MEGF11: variants seen among roughly 807,000 people sequenced by gnomAD.
MEGF11 encodes the protein multiple EGF like domains 11.
MEGF11 carries 126 observed loss-of-function variants against 146.6 expected under a neutral mutation model. The observed-to-expected ratio is 0.86, with a 90% CI of 0.74 to 1.00. MEGF11 has a LOEUF of 1.00. Among genes scored for constraint, MEGF11 ranks in the 50% least tolerant of loss-of-function variants. The pLI is 0.00. For missense variants in MEGF11, 1,509 were observed against 1,521.2 expected (o/e 0.99, Z 0.13); for synonymous variants, 532 against 583.4 (o/e 0.91, Z 1.27).
chr15:66,051,844 C>T lies in MEGF11; in HGVS notation c.394+42558G>A, dbSNP rs973720106. ...GTGCTCATTTAGACTCCAGAGAAAGCGAGTGCTGTGCAGTTTCGTGGAACT... is the reference window on the plus strand; with the variant it reads ...GTGCTCATTTAGACTCCAGAGAAAGTGAGTGCTGTGCAGTTTCGTGGAACT... On this transcript the variant is annotated intron_variant, in intron 5 of 25. Coordinates refer to ENST00000395614, the MANE Select transcript of MEGF11 (RefSeq NM_001385028.1). 3.3e-5 allele frequency among the ~76,000 whole-genome samples: 5 copies of T among 152,180 alleles called. No homozygotes were observed. In the East Asian group the frequency reaches 7.7e-4, roughly 23 times the overall value.
intron 1 of MEGF11, among the ~76,000 whole-genome samples, chr15:66,134,072 T>C (rs2088778175): frequency 6.6e-6 from 1 of 152,102 alleles, no homozygotes; most frequent in Non-Finnish European, 1.5e-5. Context: ...GCAGCCACCA[T>C]TAATCAGGGT....
intron 5 of MEGF11, among the ~76,000 whole-genome samples, chr15:66,007,949 G>A (rs2082570388): frequency 6.6e-6 from 1 of 152,188 alleles, no homozygotes; most frequent in South Asian, 2.1e-4. Context: ...ACAGTCCCTG[G>A]CTGCATGGAG....
rs1373505221 is a variant in MEGF11 at position 65,982,904 on chromosome 15, C to T, written c.395-416G>A. Among the ~76,000 whole-genome samples the T allele has an allele frequency of 1.3e-5, 2 of 149,958 alleles. No homozygotes were observed. The highest frequency in any genetic ancestry group is 3.0e-5 in the Non-Finnish European group (2 of 67,106). ...CCCTTTCTTTTCCCATCTGCCACCC[C>T]TCTCCTCTGTGACCCTACCCCTCTC... On this transcript the variant is annotated intron_variant, in intron 5 of 25. Coordinates refer to ENST00000395614, the MANE Select transcript of MEGF11 (RefSeq NM_001385028.1). This position sits in a 1 kb window ranked among gnomAD's most constrained non-coding sequence, Gnocchi z 5.6.
At chr15:65,964,766 G>A in intron 9 of MEGF11, 142 bp downstream of exon 9, 2 of 753,662 alleles carry the variant, frequency 2.7e-6, no homozygotes, top group Admixed American at 6.2e-5. Context: ...GTGGTTCTCA[G>A]GGCTCAGTGC....
At chr15:66,213,729 TTTTA>T (rs913762766) in intron 1 of MEGF11, among the ~76,000 whole-genome samples, 10 of 151,916 alleles carry the variant, frequency 6.6e-5, no homozygotes, top group African/African-American at 1.7e-4. Context: ...AAATTGTTTA[TTTTA>T]TTTATTTTTA....
At chr15:65,986,892 G>A (rs28493440) in intron 5 of MEGF11, among the ~76,000 whole-genome samples, 3,082 of 150,852 alleles carry the variant, frequency 0.02, 104 homozygotes, top group African/African-American at 0.069. Context: ...CTGTCTCCTG[G>A]GTTCAAACAA....
At position 66,210,286 on chromosome 15, in the gene MEGF11, A is replaced by C. The variant is rs2091411339; in HGVS notation, c.-9+43319T>G. 2.6e-5 allele frequency among the ~76,000 whole-genome samples: 4 copies of C among 152,332 alleles called. No homozygotes were observed. In the South Asian group the frequency reaches 8.3e-4, roughly 32 times the overall value. Reference sequence around the variant, plus strand: ...ATATCTCGAAACAGGACCTTAACTCAAACAAATGTAAAGAGGCGCTCACTC... The same window carrying C: ...ATATCTCGAAACAGGACCTTAACTCCAACAAATGTAAAGAGGCGCTCACTC... On this transcript the variant is annotated intron_variant, in intron 1 of 25. Coordinates refer to ENST00000395614, the MANE Select transcript of MEGF11 (RefSeq NM_001385028.1).
At position 66,209,197 on chromosome 15, in the gene MEGF11, A is replaced by G. The variant is rs568334505; in HGVS notation, c.-9+44408T>C. Reference sequence around the variant, plus strand: ...AACCCCATCGCTACTAAAAATACAAAAAATTAGCCGGGCGTGGTGGCGGGC... The same window carrying G: ...AACCCCATCGCTACTAAAAATACAAGAAATTAGCCGGGCGTGGTGGCGGGC... On this transcript the variant is annotated intron_variant, in intron 1 of 25. Transcript: ENST00000395614. Among the ~76,000 whole-genome samples the G allele has an allele frequency of 3.9e-3, 593 of 152,166 alleles. 3 individuals are homozygous for G. The highest frequency in any genetic ancestry group is 6.5e-3 in the Non-Finnish European group (440 of 67,982).
At chr15:66,095,136 G>A (rs2086487151) in intron 4 of MEGF11, among the ~76,000 whole-genome samples, 2 of 152,226 alleles carry the variant, frequency 1.3e-5, no homozygotes, top group Admixed American at 6.5e-5. Context: ...TTCTTATCAC[G>A]CAGTTGAATG....
intron 1 of MEGF11, among the ~76,000 whole-genome samples, chr15:66,212,292 C>T (rs1383898441): frequency 4.6e-5 from 7 of 152,150 alleles, no homozygotes; most frequent in Admixed American, 6.5e-5. Context: ...TTACACACCA[C>T]GGCCGAACCC....
intron 9 of MEGF11, 107 bp downstream of exon 9, chr15:65,964,801 C>G: frequency 9.1e-7 from 1 of 1,101,836 alleles, no homozygotes; most frequent in Admixed American, 2.6e-5. Context: ...TTTCCCCCAC[C>G]TGCCTGGATG....
chr15:65,977,229 G>A (rs937116223), intron 7 of MEGF11, among the ~76,000 whole-genome samples: 26 of 151,384 alleles, frequency 1.7e-4, no homozygotes, highest in African/African-American at 2.7e-4. Context: ...GATGGTGAAA[G>A]GACTTAAGGC....
chr15:65,913,714 G>A, intron 20 of MEGF11, 23 bp downstream of exon 20: 1 of 1,577,406 alleles, frequency 6.3e-7, no homozygotes, highest in Admixed American at 1.8e-5. Flanking sequence ...GAAGAGGAGG[G>A]AGGCCAGGAG....
chr15:65,962,679 A>C (rs2080904841), intron 9 of MEGF11, among the ~76,000 whole-genome samples: 1 of 152,134 alleles, frequency 6.6e-6, no homozygotes, highest in African/African-American at 2.4e-5. Flanking sequence ...GCTGTTTAAG[A>C]TGAGTTCAGG....
At chr15:66,034,202 A>C (rs942131596) in intron 5 of MEGF11, among the ~76,000 whole-genome samples, 2 of 152,168 alleles carry the variant, frequency 1.3e-5, no homozygotes, top group African/African-American at 2.4e-5. Context: ...TTGAATTCAC[A>C]ATCTCACAGC....
rs377726107 is a variant in MEGF11, at chr15:66,158,751, G to T, written c.-8-30340C>A. Among the ~76,000 whole-genome samples, 13 of 152,278 alleles carry T rather than the reference G, an allele frequency of 8.5e-5. No individual in the cohort carries two copies. In the East Asian group the frequency reaches 2.5e-3, roughly 29 times the overall value. On this transcript the variant is annotated intron_variant, in intron 1 of 25. Coordinates refer to ENST00000395614, the MANE Select transcript of MEGF11 (RefSeq NM_001385028.1). ...ATGGTAAACAGCAGAAAAATCACCG[G>T]CTCTCAAATATCTCCTTCACCTTTG... is the stretch of plus-strand genomic sequence containing the variant.
chr15:65,924,870 C>T (rs1388984470), intron 13 of MEGF11, among the ~76,000 whole-genome samples: 1 of 152,124 alleles, frequency 6.6e-6, no homozygotes, highest in Non-Finnish European at 1.5e-5. Context: ...CTCAAGTGAT[C>T]CGCCCGCCTC....
chr15:65,917,631 C>T (rs2079044781), intron 16 of MEGF11, among the ~76,000 whole-genome samples: 1 of 152,208 alleles, frequency 6.6e-6, no homozygotes, highest in African/African-American at 2.4e-5. Context: ...CACTTCCCTA[C>T]TCCCAAACTC....
intron 5 of MEGF11, among the ~76,000 whole-genome samples, chr15:66,039,759 AGGCGGC>A: frequency 1.3e-5 from 2 of 150,212 alleles, no homozygotes; most frequent in African/African-American, 2.4e-5. Context: ...GAGCCGGGTC[AGGCGGC>A]GGTGGGGTGA....
Sources: gnomAD v4.1 joint callset for allele counts (sites outside exome capture counted in the v4.1 genomes callset) on GRCh38, gnomAD v4.1.1 for gene constraint, Gnocchi (gnomAD v3.1) non-coding constraint, MANE v1.5 for transcripts, NCBI Gene and HGNC (gene_info 2026-07-23, HGNC 2026-07-21) for gene names.